The following FHIT variants were observed in gnomAD, a reference collection of about 807,000 sequenced individuals.
FHIT encodes bis(5'-adenosyl)-triphosphatase.
Under a neutral mutation model 17.9 loss-of-function variants are expected in FHIT, and 19 were observed. The observed-to-expected ratio is 1.06, with a 90% CI of 0.74 to 1.56. The LOEUF (loss-of-function observed/expected upper bound fraction) is 1.56, where lower values mean the gene tolerates loss of function less well. FHIT is among the 40% of genes most tolerant of loss of function. The pLI is 0.00. For missense variants in FHIT, 248 were observed against 189.2 expected (o/e 1.31, Z -1.82); for synonymous variants, 81 against 69.7 (o/e 1.16, Z -0.81).
At chr3:59,856,129 AT>A (rs1306496373) in intron 8 of FHIT, among the ~76,000 whole-genome samples, 1 of 152,218 alleles carries the variant, frequency 6.6e-6, no homozygotes, top group African/African-American at 2.4e-5. Context: ...GATGTTTTGA[AT>A]GAAAAAGTGA....
chr3:60,181,443 A>T (rs1002490804), intron 5 of FHIT, among the ~76,000 whole-genome samples: 5 of 151,950 alleles, frequency 3.3e-5, no homozygotes, highest in Non-Finnish European at 7.4e-5. Flanking sequence ...ACAGTGCCTG[A>T]CCCCAGATTA....
intron 3 of FHIT, among the ~76,000 whole-genome samples, chr3:60,954,078 A>C (rs2107468607): frequency 1.3e-5 from 2 of 152,276 alleles, no homozygotes; most frequent in South Asian, 2.1e-4. Flanking sequence ...ATTAAGTCTC[A>C]CCACTGCCAT....
chr3:60,399,059 T>C (rs1701565315), intron 5 of FHIT, among the ~76,000 whole-genome samples: 1 of 152,140 alleles, frequency 6.6e-6, no homozygotes, highest in African/African-American at 2.4e-5. Flanking sequence ...AGATAATCAG[T>C]CTCTTTTAGA....
chr3:59,845,675 G>A (rs541647518), intron 8 of FHIT, among the ~76,000 whole-genome samples: 1 of 152,178 alleles, frequency 6.6e-6, no homozygotes, highest in South Asian at 2.1e-4. Context: ...AATTTACTGA[G>A]ACTTCATTTG....
At chr3:60,337,238 T>C (rs189520213) in intron 5 of FHIT, among the ~76,000 whole-genome samples, 6 of 152,224 alleles carry the variant, frequency 3.9e-5, no homozygotes, top group African/African-American at 1.2e-4. Context: ...AAGGTGTGCC[T>C]TCTCTATTTT....
intron 5 of FHIT, among the ~76,000 whole-genome samples, chr3:60,056,579 T>C (rs1045659623): frequency 3.9e-5 from 6 of 152,242 alleles, no homozygotes; most frequent in Non-Finnish European, 7.3e-5. Context: ...GTGTGTGCTT[T>C]GCTCTGTTGT....
intron 2 of FHIT, among the ~76,000 whole-genome samples, chr3:61,075,180 A>G (rs544188162): frequency 1.1e-4 from 16 of 152,248 alleles, no homozygotes; most frequent in African/African-American, 3.9e-4. Context: ...TCACTTCCCA[A>G]AGTCATCCAG....
rs577679254 is a variant in FHIT, at chr3:60,711,822, G to A, written c.-18+110097C>T. Among the ~76,000 whole-genome samples the A allele has an allele frequency of 2.4e-4, 36 of 152,330 alleles. No homozygotes were observed. The South Asian group carries it at 6.2e-3, about 26-fold the overall frequency. ...TTGGTGTACCTGAAGGTGACGGGGA[G>A]AATGGAACCAAGTTGGAAAACACTC... is the stretch of plus-strand genomic sequence containing the variant. On this transcript the variant is annotated intron_variant, in intron 4 of 9. Coordinates refer to ENST00000492590, the MANE Select transcript of FHIT (RefSeq NM_002012.4).
intron 5 of FHIT, among the ~76,000 whole-genome samples, chr3:60,360,039 C>T (rs1016133499): frequency 2.1e-4 from 30 of 142,442 alleles, no homozygotes; most frequent in African/African-American, 7.6e-4. Flanking sequence ...CAGATCCCTG[C>T]TTTGGAAAAA....
At chr3:60,929,863 C>T (rs375249770) in intron 3 of FHIT, among the ~76,000 whole-genome samples, 1 of 152,140 alleles carries the variant, frequency 6.6e-6, no homozygotes, top group Non-Finnish European at 1.5e-5. Flanking sequence ...AAAAAACTAC[C>T]TTAAAGTTCA....
intron 2 of FHIT, among the ~76,000 whole-genome samples, chr3:61,184,310 C>T (rs1206435137): frequency 6.6e-6 from 1 of 152,164 alleles, no homozygotes; most frequent in South Asian, 2.1e-4. Context: ...GCCCCTTAGA[C>T]CCCCATTCCA....
At chr3:60,394,058 C>T (rs1418399584) in intron 5 of FHIT, among the ~76,000 whole-genome samples, 1 of 152,024 alleles carries the variant, frequency 6.6e-6, no homozygotes, top group Non-Finnish European at 1.5e-5. Flanking sequence ...TCAGGATAGG[C>T]TTATGGTGTA....
chr3:60,417,479 A>T (rs752346499), intron 5 of FHIT, among the ~76,000 whole-genome samples: 3 of 152,198 alleles, frequency 2.0e-5, no homozygotes, highest in Admixed American at 2.0e-4. Context: ...TTGTCTTTCA[A>T]CAACTAGCTG....
intron 3 of FHIT, among the ~76,000 whole-genome samples, chr3:60,973,031 T>G (rs1710087124): frequency 6.6e-6 from 1 of 152,196 alleles, no homozygotes; most frequent in Admixed American, 6.5e-5. Flanking sequence ...CAGTCACTTT[T>G]GGATCTGTTA....
At chr3:59,908,959 G>A (rs562737684) in intron 8 of FHIT, among the ~76,000 whole-genome samples, 5 of 151,834 alleles carry the variant, frequency 3.3e-5, no homozygotes, top group Admixed American at 1.3e-4. Flanking sequence ...CTGGAGACAA[G>A]ACAAAACAAA....
intron 2 of FHIT, among the ~76,000 whole-genome samples, chr3:61,164,006 C>A (rs1373211802): frequency 6.6e-6 from 1 of 152,096 alleles, no homozygotes; most frequent in Non-Finnish European, 1.5e-5. Context: ...ACAAATTGGG[C>A]TATGAATATT....
intron 5 of FHIT, among the ~76,000 whole-genome samples, chr3:60,367,722 G>A (rs1221819173): frequency 1.3e-5 from 2 of 152,108 alleles, no homozygotes; most frequent in Non-Finnish European, 2.9e-5. Context: ...TTTTACAGTG[G>A]ATGAATTTTA....
intron 2 of FHIT, among the ~76,000 whole-genome samples, chr3:61,050,753 C>T (rs1019983044): frequency 7.2e-5 from 11 of 152,166 alleles, no homozygotes; most frequent in Non-Finnish European, 1.5e-4. Flanking sequence ...ATTAGTTCTA[C>T]ATTTGTGTAT....
rs2036004555 is a variant in FHIT, at chr3:60,536,922, A to G, written c.41T>C (p.Val14Ala). 2 of 1,613,466 alleles carry G rather than the reference A, an allele frequency of 1.2e-6. No individual in the cohort carries two copies. The highest frequency in any genetic ancestry group is 1.1e-5 in the South Asian group (1 of 90,980). ...GGACAGTTCTGTTTTGAGAAACACT[A>G]CAGAGGGCTTGATGAGATGTTGGCC... ...RFGQHLIKPS[V>A]VFLKTELSFA... is the part of the protein sequence containing the mutation. The change falls in exon 5 of 10, where the codon GTA becomes GCA. Residue 14 changes from valine to alanine, a missense_variant. Coordinates refer to ENST00000492590, the MANE Select transcript of FHIT (RefSeq NM_002012.4).
Sources: gnomAD v4.1 joint callset for allele counts (sites outside exome capture counted in the v4.1 genomes callset) on GRCh38, gnomAD v4.1.1 for gene constraint, MANE v1.5 for transcripts, NCBI Gene and HGNC (gene_info 2026-07-23, HGNC 2026-07-21) for gene names.